Variants in CNTNAP5 observed in about 807,000 individuals in gnomAD.
The protein encoded by CNTNAP5 is contactin-associated protein-like 5.
In CNTNAP5, 72 loss-of-function variants were observed where a neutral mutation model predicts 150.2. The ratio of observed to expected loss-of-function variants is 0.48; its 90% CI spans 0.40 to 0.58. The LOEUF (loss-of-function observed/expected upper bound fraction) is 0.58. CNTNAP5 is among the 20% of genes least tolerant of loss of function. The probability of loss-of-function intolerance (pLI) is 0.00; values close to 1 mark genes in which losing one functional copy is unlikely to be tolerated. For missense variants in CNTNAP5, 1,636 were observed against 1,626.2 expected (o/e 1.01, Z -0.10); for synonymous variants, 672 against 619.8 (o/e 1.08, Z -1.25).
intron 17 of CNTNAP5, among the ~76,000 whole-genome samples, chr2:124,774,616 T>C (rs1681280471): frequency 6.6e-6 from 1 of 152,204 alleles, no homozygotes; most frequent in African/African-American, 2.4e-5. Context: ...TTTTGATGGG[T>C]GACTTCTGAG....
chr2:124,694,949 C>T (rs143581863), intron 13 of CNTNAP5, among the ~76,000 whole-genome samples: 9 of 151,782 alleles, frequency 5.9e-5, no homozygotes, highest in Middle Eastern at 3.4e-3. Context: ...GCTTCTTTGG[C>T]GAGTCAAATA....
intron 1 of CNTNAP5, among the ~76,000 whole-genome samples, chr2:124,141,986 A>C (rs1405200262): frequency 7.1e-6 from 1 of 141,362 alleles, no homozygotes; most frequent in Non-Finnish European, 1.5e-5. Context: ...CAGGGGTTGC[A>C]ATCCTAGTCT....
At chr2:124,462,344 T>C (rs1035552107) in intron 6 of CNTNAP5, among the ~76,000 whole-genome samples, 2 of 152,202 alleles carry the variant, frequency 1.3e-5, no homozygotes, top group African/African-American at 4.8e-5. Flanking sequence ...TAGTTTTAAA[T>C]TTAAGATTAT....
intron 4 of CNTNAP5, among the ~76,000 whole-genome samples, chr2:124,426,855 G>A (rs1692250060): frequency 1.3e-5 from 2 of 152,178 alleles, no homozygotes; most frequent in South Asian, 4.1e-4. Context: ...GCCAGTGCTG[G>A]CATTCTCAGT....
Position 124,173,851 on chromosome 2 carries a change from C to T in CNTNAP5, c.83-47854C>T, listed in dbSNP as rs189484168. ...GGAAGAGAATGTGATCTAGGACTTT[C>T]ATAGCTAGAGAGGAGAAGTCAATGC... On this transcript the variant is annotated intron_variant, in intron 1 of 23. Coordinates refer to ENST00000682447, the MANE Select transcript of CNTNAP5 (RefSeq NM_001367498.1). Among the ~76,000 whole-genome samples the T allele has an allele frequency of 3.3e-4, 50 of 152,294 alleles. 1 individual carries two copies. The highest frequency in any genetic ancestry group is 2.8e-3 in the Admixed American group (43 of 15,300).
intron 1 of CNTNAP5, among the ~76,000 whole-genome samples, chr2:124,121,938 C>T (rs1683572079): frequency 2.0e-5 from 3 of 152,156 alleles, no homozygotes; most frequent in African/African-American, 7.2e-5. Flanking sequence ...GAACTATTAC[C>T]ACCATTAATT....
Position 124,417,497 on chromosome 2 carries a change from T to G in CNTNAP5, c.436T>G (p.Ser146Ala). 1 of 1,613,924 alleles carries G rather than the reference T, an allele frequency of 6.2e-7. No homozygotes were observed. Among genetic ancestry groups the G allele is most frequent in the Non-Finnish European group, 8.5e-7 (1 of 1,179,860 alleles). ...CGTGGTGCACCACAAGCTATTGCAC[T>G]CAGTGAGAGCCCGATTTGTTCGCTT... The part of the protein sequence containing the change: ...DSVVHHKLLH[S>A]VRARFVRFVP... The change falls in exon 4 of 24, where the codon TCA becomes GCA. Residue 146 changes from serine (S) to alanine (A), a missense_variant. Physicochemically the swap from Ser to Ala is moderately conservative, Grantham distance 99 (BLOSUM62 1). Transcript: ENST00000682447.
chr2:124,475,243 G>A (rs1030739118), intron 7 of CNTNAP5, among the ~76,000 whole-genome samples: 2 of 151,994 alleles, frequency 1.3e-5, no homozygotes, highest in Admixed American at 6.6e-5. Context: ...TATGGCTTGG[G>A]AGTTACATAT....
chr2:124,500,891 G>A (rs1390293662), intron 7 of CNTNAP5, among the ~76,000 whole-genome samples: 1 of 152,096 alleles, frequency 6.6e-6, no homozygotes, highest in African/African-American at 2.4e-5. Context: ...GCTGCCCTGG[G>A]TGGTCTCATT....
At chr2:124,706,907 G>GAAGAAGA (rs1679669699) in intron 13 of CNTNAP5, among the ~76,000 whole-genome samples, 1 of 4,880 alleles carries the variant, frequency 2.0e-4, no homozygotes, top group Non-Finnish European at 5.7e-4. Flanking sequence ...GAAGAAGGAG[G>GAAGAAGA]AGGAGGAGGA....
At chr2:124,867,387 C>G (rs1285161947) in intron 20 of CNTNAP5, among the ~76,000 whole-genome samples, 1 of 152,112 alleles carries the variant, frequency 6.6e-6, no homozygotes, top group Admixed American at 6.6e-5. Flanking sequence ...TATACCCATA[C>G]CGAAAAGGTA....
At chr2:124,730,796 A>G (rs2105126757) in intron 13 of CNTNAP5, among the ~76,000 whole-genome samples, 1 of 152,234 alleles carries the variant, frequency 6.6e-6, no homozygotes, top group African/African-American at 2.4e-5. Context: ...CCTCAAAGGC[A>G]AGAAATCCAT....
intron 1 of CNTNAP5, among the ~76,000 whole-genome samples, chr2:124,067,290 C>T (rs1425735495): frequency 6.6e-6 from 1 of 152,124 alleles, no homozygotes; most frequent in Non-Finnish European, 1.5e-5. Flanking sequence ...GGAATCAGTA[C>T]CATGGGTCAG....
At chr2:124,886,648 T>C (rs980468349) in intron 21 of CNTNAP5, among the ~76,000 whole-genome samples, 1 of 151,994 alleles carries the variant, frequency 6.6e-6, no homozygotes, top group Non-Finnish European at 1.5e-5. Context: ...TTTCAGTAGG[T>C]GATGAAAAAG....
intron 1 of CNTNAP5, among the ~76,000 whole-genome samples, chr2:124,150,259 T>G (rs1684373717): frequency 7.9e-6 from 1 of 126,254 alleles, no homozygotes; most frequent in African/African-American, 2.7e-5. Context: ...TAACTGAGAA[T>G]TGAAATGCAG....
At chr2:124,308,139 A>G (rs1688737040) in intron 3 of CNTNAP5, among the ~76,000 whole-genome samples, 1 of 152,212 alleles carries the variant, frequency 6.6e-6, no homozygotes, top group African/African-American at 2.4e-5. Flanking sequence ...TGTTGGGCTT[A>G]CATGAACGTC....
At chr2:124,202,038 A>G (rs1323946992) in intron 1 of CNTNAP5, among the ~76,000 whole-genome samples, 1 of 152,188 alleles carries the variant, frequency 6.6e-6, no homozygotes, top group African/African-American at 2.4e-5. Context: ...CATATACTTC[A>G]TAAATCATGT....
In CNTNAP5 at chr2:124,253,759, A is replaced by AT. The variant is rs539214388; in HGVS notation, c.381+11374dup. On this transcript the variant is annotated intron_variant, in intron 3 of 23. Transcript: ENST00000682447. Reference sequence around the variant, plus strand: ...TAATCAGGATAGTAGACTCCAAATTATTTTTTTTCCAGTTACAAGTACCTT... The same window carrying AT: ...TAATCAGGATAGTAGACTCCAAATTATTTTTTTTTCCAGTTACAAGTACCTT... Among the ~76,000 whole-genome samples, 526 of 151,998 alleles carry AT rather than the reference A, an allele frequency of 3.5e-3. 1 individual carries two copies. Among genetic ancestry groups the AT allele is most frequent in the African/African-American group, 0.012 (496 of 41,456 alleles).
chr2:124,287,433 G>A (rs1388918477), intron 3 of CNTNAP5, among the ~76,000 whole-genome samples: 3 of 152,174 alleles, frequency 2.0e-5, no homozygotes, highest in African/African-American at 2.4e-5. Context: ...GTCAAGCTTC[G>A]TTAATCTCGG....
Sources: allele counts gnomAD v4.1 joint callset (sites outside exome capture counted in the v4.1 genomes callset), GRCh38; gene constraint gnomAD v4.1.1; transcripts MANE v1.5; gene names NCBI Gene and HGNC (gene_info 2026-07-23, HGNC 2026-07-21).